The following RBFOX2 variants were observed in gnomAD, a reference collection of about 807,000 sequenced individuals.
RBFOX2 encodes RNA binding protein fox-1 homolog 2.
In RBFOX2, 10 loss-of-function variants were observed where a neutral mutation model predicts 49.1. The observed-to-expected ratio is 0.20, with a 90% CI of 0.13 to 0.35. RBFOX2 has a LOEUF of 0.35. Among genes scored for constraint, RBFOX2 ranks in the 10% least tolerant of loss-of-function variants. The pLI, the probability that RBFOX2 is intolerant of heterozygous loss-of-function variation, is 1.00. For missense variants in RBFOX2, 323 were observed against 486.9 expected (o/e 0.66, Z 3.17); for synonymous variants, 183 against 187.4 (o/e 0.98, Z 0.19).
intron 1 of RBFOX2, among the ~76,000 whole-genome samples, chr22:35,938,158 A>C (rs990123191): frequency 6.6e-6 from 1 of 152,180 alleles, no homozygotes; most frequent in African/African-American, 2.4e-5. Context: ...TTTAAGCCAC[A>C]CCATTTCTCT....
chr22:36,020,433 A>G (rs1421011080), intron 1 of RBFOX2, among the ~76,000 whole-genome samples: 3 of 152,254 alleles, frequency 2.0e-5, no homozygotes, highest in Non-Finnish European at 2.9e-5. Flanking sequence ...CTGCACAGCA[A>G]AAGAAACCAC....
intron 2 of RBFOX2, among the ~76,000 whole-genome samples, chr22:35,808,940 G>A (rs917111530): frequency 3.9e-5 from 6 of 152,002 alleles, no homozygotes; most frequent in African/African-American, 1.4e-4. Context: ...AGTAAGAGGT[G>A]AAGTCAAAGA....
chr22:35,994,220 T>C (rs1204283458), intron 1 of RBFOX2: 1 of 152,002 alleles, frequency 6.6e-6, no homozygotes, highest in Non-Finnish European at 1.5e-5. Flanking sequence ...GAATATATTT[T>C]ATTGAATCCA....
At chr22:35,882,541 C>T (rs2046041531) in intron 1 of RBFOX2, among the ~76,000 whole-genome samples, 1 of 152,196 alleles carries the variant, frequency 6.6e-6, no homozygotes, top group Non-Finnish European at 1.5e-5. Flanking sequence ...AGTGGAAGAA[C>T]AGCTTAACTG....
At chr22:35,903,162 A>G (rs2048770847) in intron 1 of RBFOX2, among the ~76,000 whole-genome samples, 1 of 152,078 alleles carries the variant, frequency 6.6e-6, no homozygotes, top group South Asian at 2.1e-4. Flanking sequence ...GTTGTTGTCT[A>G]TATCTGTCTC....
At chr22:35,799,775 C>T (rs566163683) in intron 2 of RBFOX2, among the ~76,000 whole-genome samples, 3 of 151,950 alleles carry the variant, frequency 2.0e-5, no homozygotes, top group Non-Finnish European at 2.9e-5. Flanking sequence ...CACAGGGAGA[C>T]CCTGTCTCTA....
chr22:36,024,678 T>C (rs2059365823), intron 1 of RBFOX2, among the ~76,000 whole-genome samples: 1 of 150,646 alleles, frequency 6.6e-6, no homozygotes, highest in Admixed American at 6.6e-5. Flanking sequence ...GAGGCAGAGG[T>C]TGCAGTGAGC....
chr22:35,794,502 C>CA (rs1352040295), intron 2 of RBFOX2, among the ~76,000 whole-genome samples: 2 of 151,868 alleles, frequency 1.3e-5, no homozygotes, highest in Non-Finnish European at 2.9e-5. Context: ...ACTAAAAATA[C>CA]AAAAAATTAG....
intron 1 of RBFOX2, among the ~76,000 whole-genome samples, chr22:35,916,542 A>G (rs1255406040): frequency 6.6e-6 from 1 of 152,152 alleles, no homozygotes; most frequent in African/African-American, 2.4e-5. Context: ...TCGGCCTCCC[A>G]AAGGGCTGGG....
chr22:35,790,686 A>G (rs960468110), intron 2 of RBFOX2, among the ~76,000 whole-genome samples: 3 of 152,214 alleles, frequency 2.0e-5, no homozygotes, highest in Non-Finnish European at 1.5e-5. Context: ...AATCTTCTGC[A>G]TATTTTTGCA....
At chr22:35,900,092 A>T (rs2048384995) in intron 1 of RBFOX2, among the ~76,000 whole-genome samples, 1 of 151,986 alleles carries the variant, frequency 6.6e-6, no homozygotes, top group African/African-American at 2.4e-5. Context: ...TCTGCCTCTG[A>T]CTCCAATAAT....
At chr22:36,006,638 C>G (rs2058629065) in intron 1 of RBFOX2, among the ~76,000 whole-genome samples, 1 of 152,202 alleles carries the variant, frequency 6.6e-6, no homozygotes, top group African/African-American at 2.4e-5. Flanking sequence ...GAACTAACTA[C>G]CAACGACACT....
intron 1 of RBFOX2, among the ~76,000 whole-genome samples, chr22:35,829,301 C>T (rs1436989430): frequency 2.0e-5 from 3 of 151,950 alleles, no homozygotes; most frequent in African/African-American, 7.3e-5. Context: ...TCACCCAGAA[C>T]TAATACATAT....
chr22:35,912,113 A>AAACATTAT (rs1454185945), intron 1 of RBFOX2, among the ~76,000 whole-genome samples: 1 of 152,200 alleles, frequency 6.6e-6, no homozygotes, highest in Non-Finnish European at 1.5e-5. Flanking sequence ...GGCATATAAC[A>AAACATTAT]GGCACATAAT....
chr22:35,955,320 C>T (rs952088848), intron 1 of RBFOX2, among the ~76,000 whole-genome samples: 13 of 152,272 alleles, frequency 8.5e-5, no homozygotes, highest in Admixed American at 7.8e-4. Context: ...AAACTGAGTA[C>T]TTTTAAAAAT....
chr22:35,965,035 C>T (rs951631912), upstream of RBFOX2, among the ~76,000 whole-genome samples: 1 of 152,122 alleles, frequency 6.6e-6, no homozygotes, highest in East Asian at 1.9e-4. Flanking sequence ...AAAAGGCTGG[C>T]CCCAAAGAAC....
chr22:35,961,441 A>G, intron 1 of RBFOX2: 1 of 1,083,640 alleles, frequency 9.2e-7, no homozygotes. Flanking sequence ...AATGCAGCTC[A>G]GCACAATTCC....
At chr22:35,836,908 C>A (rs1419812153) in intron 1 of RBFOX2, among the ~76,000 whole-genome samples, 1 of 152,170 alleles carries the variant, frequency 6.6e-6, no homozygotes, top group African/African-American at 2.4e-5. Flanking sequence ...CCTTCATATT[C>A]CATATTGCTA....
intron 1 of RBFOX2, among the ~76,000 whole-genome samples, chr22:36,008,834 G>A (rs2058711459): frequency 6.6e-6 from 1 of 152,004 alleles, no homozygotes; most frequent in African/African-American, 2.4e-5. Context: ...AAAAAAAAAG[G>A]AAAGATTCAT....
Sources: allele counts gnomAD v4.1 joint callset (sites outside exome capture counted in the v4.1 genomes callset), GRCh38; gene constraint gnomAD v4.1.1; transcripts MANE v1.5; gene names NCBI Gene and HGNC (gene_info 2026-07-23, HGNC 2026-07-21).